The following ERC2 variants were observed in gnomAD, a reference collection of about 807,000 sequenced individuals.
ERC2 encodes the protein ELKS/RAB6-interacting/CAST family member 2.
A neutral mutation model predicts 114.8 loss-of-function variants in ERC2; 42 were observed. That is an observed-to-expected ratio of 0.37 (90% CI 0.29 to 0.47). ERC2 has a LOEUF of 0.47. Ranked by LOEUF, ERC2 falls within the 20% of genes least tolerant of loss-of-function variation. The pLI is 0.99. For synonymous variants in ERC2, 454 were observed against 425.5 expected, an observed-to-expected ratio of 1.07 and a Z score of -0.82; for missense variants, 939 against 1,150.7, an observed-to-expected ratio of 0.82 and a Z score of 2.66.
intron 17 of ERC2, among the ~76,000 whole-genome samples, chr3:55,624,507 A>C (rs1359909887): frequency 6.6e-6 from 1 of 152,130 alleles, no homozygotes. Context: ...ACAGAGAGGA[A>C]GTGGTGGATG....
intron 2 of ERC2, among the ~76,000 whole-genome samples, chr3:56,413,040 C>T (rs912873544): frequency 6.6e-6 from 1 of 152,222 alleles, no homozygotes; most frequent in Non-Finnish European, 1.5e-5. Context: ...CCAGTCCTTA[C>T]TGGCCCTGAT....
At chr3:55,544,093 G>C (rs890741619) in intron 17 of ERC2, among the ~76,000 whole-genome samples, 1 of 152,172 alleles carries the variant, frequency 6.6e-6, no homozygotes, top group African/African-American at 2.4e-5. Flanking sequence ...GGCAGGAGAG[G>C]CTACCGATGG....
At chr3:55,884,234 A>G (rs1412441991) in intron 14 of ERC2, among the ~76,000 whole-genome samples, 6 of 152,238 alleles carry the variant, frequency 3.9e-5, no homozygotes, top group Admixed American at 3.9e-4. Context: ...CCTATATGAC[A>G]GTATATTGAG....
At chr3:56,336,783 C>T (rs544763843) in intron 2 of ERC2, among the ~76,000 whole-genome samples, 44 of 151,992 alleles carry the variant, frequency 2.9e-4, no homozygotes, top group Admixed American at 4.6e-4. Context: ...GGGGATAGAG[C>T]GAGACTCTGT....
chr3:56,434,581 T>C lies in ERC2; in HGVS notation c.427A>G (p.Arg143Gly). Residue 143 changes from arginine to glycine, a missense_variant, in exon 2 of 18, where the codon AGA becomes GGA. Around this residue, in one of 5 missense-constraint regions of ERC2, gnomAD observed 281 missense variants for 307.4 expected, o/e 0.91. Transcript: ENST00000288221. ...HQVPSMLRQV[R>G]DSTMLDLQAQ... The stretch of plus-strand genomic sequence containing the variant: ...TGAAGATCTAACATTGTGCTGTCTC[T>C]TACCTGCCTCAACATGGAGGGGACC... 6.2e-7 allele frequency: 1 copy of C among 1,613,964 alleles called. No individual in the cohort carries two copies. The highest frequency in any genetic ancestry group is 1.1e-5 in the South Asian group (1 of 91,084).
At chr3:56,245,082 T>C (rs2051591550) in intron 3 of ERC2, among the ~76,000 whole-genome samples, 1 of 152,126 alleles carries the variant, frequency 6.6e-6, no homozygotes, top group Non-Finnish European at 1.5e-5. Context: ...CATAGGTTTG[T>C]GTAAGTATAC....
At position 55,919,715 on chromosome 3, in the gene ERC2, C is replaced by T. The variant is rs75923581; in HGVS notation, c.2403+30710G>A. Among the ~76,000 whole-genome samples the T allele has an allele frequency of 2.5e-3, 379 of 152,150 alleles. 7 individuals are homozygous for T. The East Asian group carries it at 0.047, about 19-fold the overall frequency. On this transcript the variant is annotated intron_variant, in intron 13 of 17. Coordinates refer to ENST00000288221, the MANE Select transcript of ERC2 (RefSeq NM_015576.3). ...TAATAAAGCAGAAGAAGGAGATGACCGACTTGCAATTTTAGGTGGGGTAGC... is the reference window on the plus strand; with the variant it reads ...TAATAAAGCAGAAGAAGGAGATGACTGACTTGCAATTTTAGGTGGGGTAGC...
At chr3:55,815,599 C>T (rs544628682) in intron 14 of ERC2, among the ~76,000 whole-genome samples, 1 of 152,318 alleles carries the variant, frequency 6.6e-6, no homozygotes, top group Non-Finnish European at 1.5e-5. Context: ...AACCGAATTT[C>T]AACCTGTGAG....
chr3:55,589,961 A>G (rs1482928766), intron 17 of ERC2, among the ~76,000 whole-genome samples: 3 of 152,096 alleles, frequency 2.0e-5, no homozygotes, highest in Non-Finnish European at 4.4e-5. Context: ...ATCCATGAAA[A>G]CCTTCTCCTC....
chr3:55,726,879 A>G (rs752959455), intron 15 of ERC2, among the ~76,000 whole-genome samples: 14 of 152,206 alleles, frequency 9.2e-5, no homozygotes, highest in Non-Finnish European at 2.1e-4. Context: ...TAGGAAAAGG[A>G]AAAGAAAACC....
rs7611800 is a variant in ERC2, at chr3:55,591,572, T to C, written c.*40-80296A>G. Among the ~76,000 whole-genome samples, 42 of 115,082 alleles carry C rather than the reference T, an allele frequency of 3.6e-4. No homozygotes were observed. In the South Asian group the frequency reaches 3.8e-3, roughly 10 times the overall value. 75.5% of individuals were successfully genotyped at this position (115,082 alleles called of 152,430 possible). The stretch of plus-strand genomic sequence containing the variant: ...GAGAATGACCCCTCAGAAGTTTGTG[T>C]GCGTGTGTGTGTGTGTGTGTGTGTG... On this transcript the variant is annotated intron_variant, in intron 17 of 17. Coordinates refer to ENST00000288221, the MANE Select transcript of ERC2 (RefSeq NM_015576.3).
intron 12 of ERC2, among the ~76,000 whole-genome samples, chr3:55,980,900 G>A (rs148768195): frequency 2.0e-5 from 3 of 152,290 alleles, no homozygotes; most frequent in African/African-American, 7.2e-5. Context: ...ACTATAAAAC[G>A]TTTCAACTAC....
At chr3:55,590,980 C>T (rs1277085486) in intron 17 of ERC2, among the ~76,000 whole-genome samples, 2 of 152,122 alleles carry the variant, frequency 1.3e-5, no homozygotes, top group East Asian at 3.9e-4. Context: ...ATGCACCCGC[C>T]ACCACGTCCA....
intron 14 of ERC2, among the ~76,000 whole-genome samples, chr3:55,878,667 G>A (rs974107571): frequency 2.6e-5 from 4 of 152,164 alleles, no homozygotes; most frequent in Admixed American, 6.5e-5. Flanking sequence ...AATACTCCCC[G>A]CCTCACAGGA....
intron 17 of ERC2, among the ~76,000 whole-genome samples, chr3:55,680,851 A>G (rs2062023274): frequency 6.6e-6 from 1 of 152,236 alleles, no homozygotes; most frequent in Admixed American, 6.5e-5. Context: ...GGGAAGCAGA[A>G]TATAGGAATA....
intron 15 of ERC2, among the ~76,000 whole-genome samples, chr3:55,700,960 G>A (rs999135392): frequency 6.6e-6 from 1 of 152,140 alleles, no homozygotes; most frequent in Non-Finnish European, 1.5e-5. Flanking sequence ...CAAGCTACAT[G>A]TTTGTTTTCA....
At chr3:56,152,549 C>G (rs1272990322) in intron 4 of ERC2, among the ~76,000 whole-genome samples, 2 of 152,118 alleles carry the variant, frequency 1.3e-5, no homozygotes, top group African/African-American at 4.8e-5. Flanking sequence ...CCCCATACTC[C>G]TGGAACTTAG....
intron 4 of ERC2, among the ~76,000 whole-genome samples, chr3:56,172,452 C>T (rs1463872990): frequency 6.6e-6 from 1 of 152,154 alleles, no homozygotes; most frequent in Non-Finnish European, 1.5e-5. Flanking sequence ...AGTTTCTTTT[C>T]CCTCAAAATT....
Position 56,312,325 on chromosome 3 carries a change from T to C in ERC2, c.658-15890A>G, listed in dbSNP as rs376901923. The stretch of plus-strand genomic sequence containing the variant: ...TCGATGCCAGAAGCTAGGAAGGGTG[T>C]GTGGGTGAAAAGGAAGATGAGGAGA... On this transcript the variant is annotated intron_variant, in intron 2 of 17. Transcript: ENST00000288221. Among the ~76,000 whole-genome samples, 8 of 152,230 alleles carry C rather than the reference T, an allele frequency of 5.3e-5. No individual in the cohort carries two copies. The South Asian group carries it at 8.3e-4, about 16-fold the overall frequency.
Sources: gnomAD v4.1 joint callset for allele counts (sites outside exome capture counted in the v4.1 genomes callset) on GRCh38, gnomAD v4.1.1 for gene constraint, gnomAD v4.1.1 regional missense constraint, MANE v1.5 for transcripts, NCBI Gene and HGNC (gene_info 2026-07-23, HGNC 2026-07-21) for gene names.